The following NPIPB2 variants were observed in gnomAD, a reference collection of about 807,000 sequenced individuals.
The protein encoded by NPIPB2 is nuclear pore complex interacting protein family member B2.
In NPIPB2, 27 loss-of-function variants were observed where a neutral mutation model predicts 30.8. The ratio of observed to expected loss-of-function variants is 0.88; its 90% CI spans 0.65 to 1.21. NPIPB2 has a LOEUF of 1.21. Among genes scored for constraint, NPIPB2 ranks in the 50% most tolerant of loss-of-function variants. The probability of loss-of-function intolerance (pLI) is 0.00; values close to 1 mark genes in which losing one functional copy is unlikely to be tolerated. For missense variants in NPIPB2, 440 were observed against 446.2 expected, an observed-to-expected ratio of 0.99 and a Z score of 0.13; for synonymous variants, 147 against 162.0, an observed-to-expected ratio of 0.91 and a Z score of 0.70.
At chr16:11,951,410 G>A (rs1248923591) in intron 1 of NPIPB2, among the ~76,000 whole-genome samples, 1 of 133,952 alleles carries the variant, frequency 7.5e-6, no homozygotes, top group Non-Finnish European at 1.5e-5. Flanking sequence ...CTTGCAGTGA[G>A]CCGAGATCAT....
chr16:11,955,997 T>C (rs2150932016), intron 1 of NPIPB2: 1 of 152,246 alleles, frequency 6.6e-6, no homozygotes, highest in East Asian at 1.9e-4. Context: ...ATGTTTTGCC[T>C]CAGCCACACG....
chr16:11,944,977 A>C (rs2054989941), upstream of NPIPB2, among the ~76,000 whole-genome samples: 1 of 150,904 alleles, frequency 6.6e-6, no homozygotes, highest in East Asian at 2.0e-4. Context: ...TCGGGAGTTC[A>C]AGGCCAGCCT....
chr16:11,949,702 G>T (rs1478729232), intron 1 of NPIPB2, among the ~76,000 whole-genome samples: 2 of 152,186 alleles, frequency 1.3e-5, no homozygotes, highest in African/African-American at 4.8e-5. Context: ...CAGCCTCTCA[G>T]AGCCTTATGG....
chr16:11,960,348 G>C (rs2055144260), intron 1 of NPIPB2, among the ~76,000 whole-genome samples: 1 of 143,404 alleles, frequency 7.0e-6, no homozygotes, highest in South Asian at 2.4e-4. Flanking sequence ...CCCAGGTATG[G>C]TTCCCTTTTT....
intron 1 of NPIPB2, among the ~76,000 whole-genome samples, chr16:11,954,643 C>T (rs1279737589): frequency 2.0e-5 from 3 of 152,040 alleles, no homozygotes; most frequent in African/African-American, 7.2e-5. Context: ...TGTGGTGGCT[C>T]ACGCCTCTAA....
intron 2 of NPIPB2, among the ~76,000 whole-genome samples, chr16:11,934,886 A>G (rs1239345462): frequency 6.7e-6 from 1 of 148,688 alleles, no homozygotes; most frequent in East Asian, 2.0e-4. Context: ...TGACCTGAAT[A>G]TACTTCACAC....
exon 2 of NPIPB2, chr16:11,937,548 A>G (rs1237662626): frequency 6.3e-7 from 1 of 1,594,032 alleles, no homozygotes; most frequent in Middle Eastern, 1.7e-4. Flanking sequence ...ACCCAAAGGT[A>G]AACTGTCCAG....
chr16:11,933,853 G>C (rs749396251), exon 3 of NPIPB2: 1 of 1,577,090 alleles, frequency 6.3e-7, no homozygotes, highest in Non-Finnish European at 8.6e-7. Flanking sequence ...TGGACCTCCT[G>C]GCTCTCTGCT....
At chr16:11,976,610 C>T (rs966335840) in exon 1 of NPIPB2, 12 of 369,064 alleles carry the variant, frequency 3.3e-5, no homozygotes, top group African/African-American at 2.1e-4. Context: ...GCTCTCCACA[C>T]CGGGTCCGGC....
At chr16:11,946,103 G>A (rs1406846151), upstream of NPIPB2, among the ~76,000 whole-genome samples, 1 of 151,668 alleles carries the variant, frequency 6.6e-6, no homozygotes, top group Admixed American at 6.6e-5. Flanking sequence ...AGAACCCAGA[G>A]AGCTGGGCAT....
intron 1 of NPIPB2, among the ~76,000 whole-genome samples, chr16:11,964,441 T>G (rs1251099860): frequency 2.0e-5 from 3 of 151,438 alleles, no homozygotes; most frequent in African/African-American, 7.3e-5. Flanking sequence ...TGAGATAGAG[T>G]CTTGCTTTGT....
At chr16:11,970,882 T>C (rs2150944681) in intron 1 of NPIPB2, among the ~76,000 whole-genome samples, 1 of 144,124 alleles carries the variant, frequency 6.9e-6, no homozygotes, top group African/African-American at 2.6e-5. Flanking sequence ...TGAGATAGGG[T>C]CTTACTCCAA....
At chr16:11,975,797 G>A (rs1411937487) in intron 1 of NPIPB2, among the ~76,000 whole-genome samples, 1 of 151,914 alleles carries the variant, frequency 6.6e-6, no homozygotes, top group East Asian at 2.0e-4. Flanking sequence ...CACTATGTTG[G>A]CCAGGCTGGA....
At chr16:11,958,625 C>T (rs920920779) in intron 1 of NPIPB2, among the ~76,000 whole-genome samples, 3 of 152,122 alleles carry the variant, frequency 2.0e-5, no homozygotes, top group African/African-American at 4.8e-5. Flanking sequence ...CCTGCAGTCC[C>T]GGCTACTCAG....
At chr16:11,937,877 A>G (rs1042861925) in intron 1 of NPIPB2, among the ~76,000 whole-genome samples, 6 of 152,154 alleles carry the variant, frequency 3.9e-5, no homozygotes, top group African/African-American at 1.4e-4. Context: ...GGCATTGCAA[A>G]TGTGGGGTGT....
upstream of NPIPB2, among the ~76,000 whole-genome samples, chr16:11,944,937 G>C (rs975668252): frequency 1.3e-5 from 2 of 151,584 alleles, no homozygotes; most frequent in African/African-American, 4.9e-5. Flanking sequence ...CCAGCACTTT[G>C]GAAGGTTGAG....
At chr16:11,957,141 G>A (rs925621164) in intron 1 of NPIPB2, among the ~76,000 whole-genome samples, 1 of 148,084 alleles carries the variant, frequency 6.8e-6, no homozygotes, top group East Asian at 2.0e-4. Context: ...ACAGGTATGT[G>A]CCACCACACC....
At chr16:11,962,702 G>T (rs2055163175) in intron 1 of NPIPB2, among the ~76,000 whole-genome samples, 1 of 151,142 alleles carries the variant, frequency 6.6e-6, no homozygotes, top group Non-Finnish European at 1.5e-5. Context: ...GTAGGAAAAA[G>T]ACTTACTTTT....
chr16:11,964,889 A>G (rs1227202127), intron 1 of NPIPB2, among the ~76,000 whole-genome samples: 1 of 152,230 alleles, frequency 6.6e-6, no homozygotes, highest in African/African-American at 2.4e-5. Context: ...TAAGGGGCAC[A>G]GCACAGACCT....
Sources: allele counts gnomAD v4.1 joint callset (sites outside exome capture counted in the v4.1 genomes callset), GRCh38; gene constraint gnomAD v4.1.1; transcripts MANE v1.5; gene names NCBI Gene and HGNC (gene_info 2026-07-23, HGNC 2026-07-21).